Variants in CDH12 observed in about 807,000 individuals in gnomAD.
CDH12 encodes cadherin 12.
In CDH12, 41 loss-of-function variants were observed where a neutral mutation model predicts 74.1. That is an observed-to-expected ratio of 0.55 (90% confidence interval 0.43 to 0.72). The LOEUF is 0.72. CDH12 is among the 30% of genes least tolerant of loss of function. The pLI is 0.00. For missense variants in CDH12, 945 were observed against 977.2 expected, an observed-to-expected ratio of 0.97 and a Z score of 0.44; for synonymous variants, 399 against 355.0, an observed-to-expected ratio of 1.12 and a Z score of -1.39.
chr5:21,833,251 A>ACCATATAACATATAATATATATTATATG (rs1749263902), intron 8 of CDH12, among the ~76,000 whole-genome samples: 2 of 13,218 alleles, frequency 1.5e-4, no homozygotes, highest in Non-Finnish European at 1.9e-4. Flanking sequence ...TATATTATAT[A>ACCATATAACATATAATATATATTATATG]TTATATAACA....
At chr5:22,083,546 G>T (rs1322009443) in intron 4 of CDH12, among the ~76,000 whole-genome samples, 1 of 152,106 alleles carries the variant, frequency 6.6e-6, no homozygotes, top group Admixed American at 6.6e-5. Flanking sequence ...TCATTGAATG[G>T]TAATAGCTAA....
rs962818544 is a variant in CDH12, at chr5:22,490,870, A to G, written c.-428+14400T>C. ...AGTCAACACTTTGTCAAGAACTGTC[A>G]TTGTGAGCCAGGGAGGTGGAAGCAC... On this transcript the variant is annotated intron_variant, in intron 2 of 14. Coordinates refer to ENST00000382254, the MANE Select transcript of CDH12 (RefSeq NM_004061.5). 2.0e-5 allele frequency among the ~76,000 whole-genome samples: 3 copies of G among 152,336 alleles called. No homozygotes were observed. In the South Asian group the frequency reaches 6.2e-4, roughly 32 times the overall value.
intron 1 of CDH12, among the ~76,000 whole-genome samples, chr5:22,804,688 T>G (rs1748697066): frequency 6.6e-6 from 1 of 152,184 alleles, no homozygotes; most frequent in Non-Finnish European, 1.5e-5. Flanking sequence ...AGTCAACTGA[T>G]TGTATATCTT....
chr5:22,673,176 T>G (rs2126917244), intron 1 of CDH12, among the ~76,000 whole-genome samples: 2 of 152,310 alleles, frequency 1.3e-5, no homozygotes, highest in Middle Eastern at 6.8e-3. Flanking sequence ...GATTTTATAC[T>G]GTCAGTTGGA....
chr5:21,808,238 A>G (rs183753944), intron 9 of CDH12, among the ~76,000 whole-genome samples: 56 of 152,138 alleles, frequency 3.7e-4, no homozygotes, highest in African/African-American at 9.6e-4. Flanking sequence ...CATAGCCCCA[A>G]TCACGCCTTG....
intron 5 of CDH12, among the ~76,000 whole-genome samples, chr5:22,078,209 G>A (rs1289858555): frequency 6.6e-6 from 1 of 152,090 alleles, no homozygotes; most frequent in Non-Finnish European, 1.5e-5. Flanking sequence ...AAAATTGAAC[G>A]AAATATATAC....
intron 1 of CDH12, among the ~76,000 whole-genome samples, chr5:22,830,527 C>T (rs1199965612): frequency 1.3e-5 from 2 of 151,666 alleles, no homozygotes; most frequent in Non-Finnish European, 2.9e-5. Context: ...AAAGGAGGCA[C>T]TTTCTGCTTT....
At chr5:22,445,136 T>C (rs190702017) in intron 2 of CDH12, among the ~76,000 whole-genome samples, 1 of 152,214 alleles carries the variant, frequency 6.6e-6, no homozygotes, top group African/African-American at 2.4e-5. Context: ...TTGTGAAATT[T>C]CTCTTGGAGA....
At chr5:22,209,812 T>G (rs965587395) in intron 4 of CDH12, among the ~76,000 whole-genome samples, 1 of 152,118 alleles carries the variant, frequency 6.6e-6, no homozygotes, top group Non-Finnish European at 1.5e-5. Context: ...TTAAAAATAG[T>G]CTTACAATAT....
intron 3 of CDH12, among the ~76,000 whole-genome samples, chr5:22,227,007 A>G (rs1355040219): frequency 1.3e-5 from 2 of 152,116 alleles, no homozygotes; most frequent in East Asian, 3.9e-4. Context: ...CCAGTTTTTA[A>G]GATAATATTC....
chr5:22,397,794 A>G (rs1742527329), intron 3 of CDH12, among the ~76,000 whole-genome samples: 1 of 152,090 alleles, frequency 6.6e-6, no homozygotes, highest in Non-Finnish European at 1.5e-5. Flanking sequence ...TAATTAAGTT[A>G]AAATGAGGTT....
At chr5:22,379,888 G>A (rs1224403304) in intron 3 of CDH12, among the ~76,000 whole-genome samples, 1 of 152,238 alleles carries the variant, frequency 6.6e-6, no homozygotes, top group Admixed American at 6.5e-5. Flanking sequence ...CAAGTAATTA[G>A]AATTACTGGC....
intron 3 of CDH12, among the ~76,000 whole-genome samples, chr5:22,388,730 T>G (rs902828776): frequency 6.6e-6 from 1 of 152,190 alleles, no homozygotes; most frequent in African/African-American, 2.4e-5. Context: ...TATCATCACA[T>G]AAATGTGAAA....
intron 1 of CDH12, among the ~76,000 whole-genome samples, chr5:22,776,270 A>C (rs1194791268): frequency 6.6e-6 from 1 of 152,192 alleles, no homozygotes; most frequent in Non-Finnish European, 1.5e-5. Flanking sequence ...TGGGTACTCT[A>C]CCACTTTACA....
At position 22,813,367 on chromosome 5, in the gene CDH12, C is replaced by A. The variant is rs532455100; in HGVS notation, c.-523+39691G>T. On this transcript the variant is annotated intron_variant, in intron 1 of 14. Transcript: ENST00000382254. Reference sequence around the variant, plus strand: ...ATAATAAGTGCTGTATCTTGAAATACCCTACCTATCATTTAGAACCTGTGC... The same window carrying A: ...ATAATAAGTGCTGTATCTTGAAATAACCTACCTATCATTTAGAACCTGTGC... 3.9e-5 allele frequency among the ~76,000 whole-genome samples: 6 copies of A among 152,202 alleles called. No individual in the cohort carries two copies. The East Asian group carries it at 1.2e-3, about 29-fold the overall frequency.
chr5:21,884,408 A>T, intron 6 of CDH12: 1 of 1,073,190 alleles, frequency 9.3e-7, no homozygotes, highest in Admixed American at 1.7e-5. Context: ...AGTTGGAGAA[A>T]ATGAAAAAAA....
At chr5:22,370,408 A>G (rs113724107) in intron 3 of CDH12, among the ~76,000 whole-genome samples, 7 of 152,182 alleles carry the variant, frequency 4.6e-5, no homozygotes, top group African/African-American at 1.4e-4. Flanking sequence ...GAGTAGACAA[A>G]CAATGGCATC....
intron 4 of CDH12, among the ~76,000 whole-genome samples, chr5:22,211,952 C>G (rs908207764): frequency 6.6e-6 from 1 of 152,018 alleles, no homozygotes; most frequent in East Asian, 1.9e-4. Flanking sequence ...TTTCATTTTT[C>G]TTAATACTTG....
intron 4 of CDH12, among the ~76,000 whole-genome samples, chr5:22,094,167 G>A (rs1401059804): frequency 6.6e-6 from 1 of 152,124 alleles, no homozygotes; most frequent in Non-Finnish European, 1.5e-5. Context: ...AGACACAAAG[G>A]CAGCACACTC....
Sources: gnomAD v4.1 joint callset for allele counts (sites outside exome capture counted in the v4.1 genomes callset) on GRCh38, gnomAD v4.1.1 for gene constraint, MANE v1.5 for transcripts, NCBI Gene and HGNC (gene_info 2026-07-23, HGNC 2026-07-21) for gene names.